Variants in NUP107 observed in about 807,000 individuals in gnomAD.
NUP107 encodes the protein nucleoporin 107, also known as nuclear pore complex protein Nup107.
NUP107 carries 101 observed loss-of-function variants against 141.0 expected under a neutral mutation model. The observed-to-expected ratio is 0.72, with a 90% CI of 0.61 to 0.84. The LOEUF (loss-of-function observed/expected upper bound fraction) is 0.84, where lower values mean the gene tolerates loss of function less well. Ranked by LOEUF, NUP107 falls within the 40% of genes least tolerant of loss-of-function variation. NUP107 has a pLI of 0.00. For missense variants in NUP107, 941 were observed against 1,102.7 expected (o/e 0.85, Z 2.08); for synonymous variants, 319 against 363.9 (o/e 0.88, Z 1.41).
chr12:68,691,885 A>G lies in NUP107; in HGVS notation c.304-83A>G, dbSNP rs1196758050. 3.4e-6 allele frequency: 4 copies of G among 1,188,650 alleles called. No homozygotes were observed. The South Asian group carries it at 5.3e-5, about 16-fold the overall frequency. 73.6% of individuals were successfully genotyped at this position (1,188,650 alleles called of 1,614,324 possible). On this transcript the variant is annotated intron_variant, in intron 4 of 27. Transcript: ENST00000229179. ...GCATACATACATATAATTTTTAGAA[A>G]CCTTATTTGTTTTTAAAGTATCCAC... is the stretch of plus-strand genomic sequence containing the variant.
chr12:68,725,328 C>T (rs1877514273), intron 17 of NUP107, among the ~76,000 whole-genome samples: 1 of 151,898 alleles, frequency 6.6e-6, no homozygotes, highest in African/African-American at 2.4e-5. Flanking sequence ...TCAAAGAATG[C>T]TTTCATGTAC....
Position 68,742,605 on chromosome 12 carries a change from C to G in NUP107, c.*143C>G, listed in dbSNP as rs559572125. Reference sequence around the variant, plus strand: ...TACTTTTCAGAATATTATCGTGACACTTTCAACATGTAGGGATATCAGCGT... The same window carrying G: ...TACTTTTCAGAATATTATCGTGACAGTTTCAACATGTAGGGATATCAGCGT... On this transcript the variant is annotated 3_prime_UTR_variant, in exon 28 of 28. Transcript: ENST00000229179. 2.3e-6 allele frequency: 1 copy of G among 444,272 alleles called. No individual in the cohort carries two copies. The highest frequency in any genetic ancestry group is 2.0e-5 in the African/African-American group (1 of 48,796). 27.5% of individuals were successfully genotyped at this position (444,272 alleles called of 1,614,324 possible). A position where few individuals can be genotyped will look rare whatever the true frequency, so the allele number is the denominator to read the frequency against.
chr12:68,711,491 G>A (rs969973532), intron 10 of NUP107, among the ~76,000 whole-genome samples: 5 of 150,924 alleles, frequency 3.3e-5, no homozygotes, highest in South Asian at 2.1e-4. Flanking sequence ...AGCCAAGATC[G>A]CTCCACTGCA....
chr12:68,712,630 G>A (rs373518771), intron 10 of NUP107, among the ~76,000 whole-genome samples: 2 of 139,618 alleles, frequency 1.4e-5, no homozygotes, highest in African/African-American at 2.7e-5. Flanking sequence ...TTTTTTTTTT[G>A]TTTTTTGTTT....
chr12:68,735,217 T>C lies in NUP107; in HGVS notation c.2389-14T>C, dbSNP rs149113101. On this transcript the variant is annotated splice_polypyrimidine_tract_variant and intron_variant, in intron 25 of 27. Transcript: ENST00000229179. Reference sequence around the variant, plus strand: ...TTTTATCCATTATATGTCTGCCTTGTGTTTGTTTTGCAGATGGATTTTGGT... The same window carrying C: ...TTTTATCCATTATATGTCTGCCTTGCGTTTGTTTTGCAGATGGATTTTGGT... The C allele has an allele frequency of 6.6e-7, 1 of 1,520,090 alleles. No individual in the cohort carries two copies. The highest frequency in any genetic ancestry group is 9.1e-7 in the Non-Finnish European group (1 of 1,094,394). 94.2% of individuals were successfully genotyped at this position (1,520,090 alleles called of 1,614,324 possible). A position where few individuals can be genotyped will look rare whatever the true frequency, so the allele number is the denominator to read the frequency against.
chr12:68,726,516 A>G lies in NUP107; in HGVS notation c.1594A>G (p.Ser532Gly), dbSNP rs1257024014. ...GCTTGTAGGTTTGATGGATGAGTTTAGCAAATGGCTTTCCAAAAGCAGAAA... is the reference window on the plus strand; with the variant it reads ...GCTTGTAGGTTTGATGGATGAGTTTGGCAAATGGCTTTCCAAAAGCAGAAA... ...GDIDGLMDEF[S>G]KWLSKSRNNL... The change falls in exon 19 of 28, where the codon AGC (serine) becomes GGC (glycine). Residue 532 changes from serine to glycine, a missense_variant. Ser to Gly is a moderately conservative substitution (Grantham distance 56, BLOSUM62 0). Transcript: ENST00000229179. 1 of 1,612,466 alleles carries G rather than the reference A, an allele frequency of 6.2e-7. No homozygotes were observed. Among genetic ancestry groups the G allele is most frequent in the African/African-American group, 1.3e-5 (1 of 74,900 alleles).
At chr12:68,726,470 T>C (rs1248441486) in intron 18 of NUP107, 29 bp from the exon 19 acceptor site, 13 of 1,359,948 alleles carry the variant, frequency 9.6e-6, no homozygotes, top group Non-Finnish European at 1.3e-5. Context: ...TTATTCCTAT[T>C]GTTGAATCTT....
chr12:68,699,483 A>G (rs1026252375), intron 6 of NUP107, among the ~76,000 whole-genome samples: 11 of 152,242 alleles, frequency 7.2e-5, no homozygotes, highest in African/African-American at 2.7e-4. Flanking sequence ...GTAATAGACA[A>G]CTTTTTATCA....
At chr12:68,704,677 A>G (rs1876493032) in intron 8 of NUP107, among the ~76,000 whole-genome samples, 1 of 151,380 alleles carries the variant, frequency 6.6e-6, no homozygotes, top group Admixed American at 6.6e-5. Flanking sequence ...CTGGTCTTGA[A>G]CTCCTAGCTT....
intron 10 of NUP107, among the ~76,000 whole-genome samples, chr12:68,710,904 C>G (rs764793530): frequency 1.3e-5 from 2 of 151,826 alleles, no homozygotes; most frequent in Non-Finnish European, 2.9e-5. Flanking sequence ...AGTAGGGTCC[C>G]CTATGGATAC....
Position 68,725,684 on chromosome 12 carries a change from G to T in NUP107, c.1507-43G>T. The T allele has an allele frequency of 3.1e-6, 3 of 967,636 alleles. No homozygotes were observed. The South Asian group carries it at 4.2e-5, about 14-fold the overall frequency. 59.9% of individuals were successfully genotyped at this position (967,636 alleles called of 1,614,324 possible). On this transcript the variant is annotated intron_variant, in intron 17 of 27. Transcript: ENST00000229179. ...TAACAGTGAATATATACTACAGAATGACTGCTAGAAGATTTATGGAAAATT... is the reference window on the plus strand; with the variant it reads ...TAACAGTGAATATATACTACAGAATTACTGCTAGAAGATTTATGGAAAATT...
chr12:68,742,644 T>C lies in NUP107; in HGVS notation c.*182T>C, dbSNP rs1878369360. 6.0e-6 allele frequency: 2 copies of C among 334,138 alleles called. No homozygotes were observed. Among genetic ancestry groups the C allele is most frequent in the Non-Finnish European group, 1.1e-5 (2 of 184,534 alleles). The allele number at this position is 334,138 out of a possible 1,614,324, so 20.7% of individuals were successfully genotyped here. A position where few individuals can be genotyped will look rare whatever the true frequency, so the allele number is the denominator to read the frequency against. On this transcript the variant is annotated 3_prime_UTR_variant, in exon 28 of 28. Coordinates refer to ENST00000229179, the MANE Select transcript of NUP107 (RefSeq NM_020401.4). The stretch of plus-strand genomic sequence containing the variant: ...GGATATCAGCGTTTCTCTGTGTGCT[T>C]GTTAATAAAACTATATAAAAATTAA...
intron 1 of NUP107, 72 bp from the exon 2 acceptor site, chr12:68,688,890 C>T: frequency 8.6e-7 from 1 of 1,165,372 alleles, no homozygotes; most frequent in South Asian, 1.3e-5. Flanking sequence ...TTTACTCCAA[C>T]TGTGATGATA....
chr12:68,694,725 A>G (rs945896892), intron 5 of NUP107, among the ~76,000 whole-genome samples: 11 of 152,176 alleles, frequency 7.2e-5, no homozygotes, highest in Non-Finnish European at 1.6e-4. Flanking sequence ...AATGTGGAGA[A>G]ACCCTCTCCC....
chr12:68,739,689 T>C (rs1017386088), intron 26 of NUP107: 1 of 152,160 alleles, frequency 6.6e-6, no homozygotes, highest in African/African-American at 2.4e-5. Flanking sequence ...TACAAAAAAT[T>C]AGCCGGGTGT....
intron 17 of NUP107, among the ~76,000 whole-genome samples, 191 bp from the exon 18 acceptor site, chr12:68,725,536 G>A (rs1877522506): frequency 6.6e-6 from 1 of 152,146 alleles, no homozygotes; most frequent in Non-Finnish European, 1.5e-5. Context: ...GGATTTGTAA[G>A]CTGTGAGTAT....
At chr12:68,703,544 G>GA (rs1876438492) in intron 8 of NUP107, among the ~76,000 whole-genome samples, 1 of 151,712 alleles carries the variant, frequency 6.6e-6, no homozygotes, top group South Asian at 2.1e-4. Context: ...TCCGCCTCCT[G>GA]GGTTCAAGTG....
chr12:68,702,803 T>C lies in NUP107; in HGVS notation c.729+19T>C. ...AGTTACTGTAAGTTTTATATTAATT[T>C]TTTCTTTTATAAATACATACAAATT... is the stretch of plus-strand genomic sequence containing the variant. On this transcript the variant is annotated intron_variant, in intron 8 of 27. Transcript: ENST00000229179. 7.2e-7 allele frequency: 1 copy of C among 1,395,748 alleles called. No individual in the cohort carries two copies. The highest frequency in any genetic ancestry group is 9.8e-7 in the Non-Finnish European group (1 of 1,019,382). 86.5% of individuals were successfully genotyped at this position (1,395,748 alleles called of 1,614,324 possible).
At chr12:68,730,788 A>G (rs181541704) in intron 20 of NUP107, among the ~76,000 whole-genome samples, 24 of 152,194 alleles carry the variant, frequency 1.6e-4, no homozygotes, top group Non-Finnish European at 3.2e-4. Flanking sequence ...AGCATAGTGA[A>G]AAGCCATCTC....
Sources: allele counts gnomAD v4.1 joint callset (sites outside exome capture counted in the v4.1 genomes callset), GRCh38; gene constraint gnomAD v4.1.1; transcripts MANE v1.5; gene names NCBI Gene and HGNC (gene_info 2026-07-23, HGNC 2026-07-21).